The following FKBP9 variants were observed in gnomAD, a reference collection of about 807,000 sequenced individuals.
FKBP9 encodes the protein peptidyl-prolyl cis-trans isomerase FKBP9.
In FKBP9, 27 loss-of-function variants were observed where a neutral mutation model predicts 55.6. The observed-to-expected ratio is 0.49, with a 90% CI of 0.36 to 0.67. FKBP9 has a LOEUF of 0.67. Among genes scored for constraint, FKBP9 ranks in the 30% least tolerant of loss-of-function variants. FKBP9 has a pLI of 0.00. For synonymous variants in FKBP9, 267 were observed against 296.5 expected (o/e 0.90, Z 1.02); for missense variants, 539 against 742.8 (o/e 0.73, Z 3.19).
At chr7:32,965,797 CA>C (rs760247071) in intron 1 of FKBP9, among the ~76,000 whole-genome samples, 651 of 38,536 alleles carry the variant, frequency 0.017, 41 homozygotes, top group East Asian at 0.1. Context: ...GACTCCATGT[CA>C]AAAAAAAAAA....
chr7:32,960,456 T>A (rs1457230741), intron 1 of FKBP9, among the ~76,000 whole-genome samples: 2 of 152,152 alleles, frequency 1.3e-5, no homozygotes, highest in African/African-American at 4.8e-5. Flanking sequence ...TGAAATGATA[T>A]CTCATTGTGG....
chr7:32,996,747 CTT>C (rs775429776), intron 7 of FKBP9, among the ~76,000 whole-genome samples: 992 of 13,312 alleles, frequency 0.075, 54 homozygotes, highest in African/African-American at 0.16. Flanking sequence ...TCCTTTCTTT[CTT>C]TTTTTTTTTT....
chr7:32,996,708 C>T (rs1179229072), intron 7 of FKBP9, among the ~76,000 whole-genome samples: 1 of 104,534 alleles, frequency 9.6e-6, no homozygotes, highest in Non-Finnish European at 1.9e-5. Flanking sequence ...TTCTCTTTCT[C>T]TCTTTCTCTC....
chr7:32,966,172 G>T (rs1478883861), intron 1 of FKBP9, among the ~76,000 whole-genome samples: 12 of 97,282 alleles, frequency 1.2e-4, no homozygotes, highest in South Asian at 3.8e-4. Flanking sequence ...CAGCCTTGGT[G>T]ACAGTGAGAC....
intron 5 of FKBP9, among the ~76,000 whole-genome samples, chr7:32,987,105 G>T (rs1470620874): frequency 2.0e-5 from 3 of 152,120 alleles, no homozygotes; most frequent in Non-Finnish European, 4.4e-5. Flanking sequence ...AGGGTGGCGG[G>T]GTGAGCAGGG....
intron 1 of FKBP9, among the ~76,000 whole-genome samples, chr7:32,966,257 A>T (rs1404237878): frequency 6.7e-6 from 1 of 149,854 alleles, no homozygotes; most frequent in African/African-American, 2.5e-5. Context: ...TTGCCAATAT[A>T]ATGTGAGCTT....
chr7:32,971,846 G>A (rs928081338), intron 1 of FKBP9, among the ~76,000 whole-genome samples: 27 of 152,084 alleles, frequency 1.8e-4, no homozygotes, highest in Non-Finnish European at 2.9e-4. Flanking sequence ...GAGTATCATA[G>A]CACCCACCTT....
chr7:32,980,637 C>T, intron 5 of FKBP9, 84 bp downstream of exon 5: 1 of 1,520,488 alleles, frequency 6.6e-7, no homozygotes, highest in Non-Finnish European at 8.8e-7. Flanking sequence ...TTTAAATACT[C>T]TGTCCATGCT....
At chr7:32,975,590 G>A (rs1784348769) in intron 3 of FKBP9, among the ~76,000 whole-genome samples, 1 of 151,936 alleles carries the variant, frequency 6.6e-6, no homozygotes, top group African/African-American at 2.4e-5. Flanking sequence ...TTGAAGAGCA[G>A]TGTTTATCTA....
At chr7:32,974,901 A>G in intron 2 of FKBP9, 139 bp downstream of exon 2, 1 of 777,258 alleles carries the variant, frequency 1.3e-6, no homozygotes, top group East Asian at 2.7e-5. Context: ...ATACACAGCT[A>G]AAATTTCCAT....
intron 1 of FKBP9, among the ~76,000 whole-genome samples, chr7:32,962,667 T>A (rs894226498): frequency 2.0e-5 from 3 of 151,678 alleles, no homozygotes; most frequent in African/African-American, 7.3e-5. Context: ...AGAGATGGGG[T>A]TTCGCCACCT....
intron 4 of FKBP9, chr7:32,979,535 T>A: frequency 6.4e-7 from 1 of 1,550,610 alleles, no homozygotes; most frequent in Non-Finnish European, 8.7e-7. Context: ...TGGCGGCATC[T>A]GGTTTGCTTG....
intron 6 of FKBP9, among the ~76,000 whole-genome samples, chr7:32,990,978 A>G (rs919621284): frequency 4.6e-5 from 7 of 152,220 alleles, no homozygotes; most frequent in African/African-American, 1.7e-4. Context: ...AACAGATCAC[A>G]GCTTAAGATC....
intron 9 of FKBP9, 118 bp from the exon 10 acceptor site, chr7:33,005,057 G>T: frequency 2.1e-6 from 3 of 1,457,024 alleles, no homozygotes; most frequent in Non-Finnish European, 2.8e-6. Context: ...TCTTGTCTGT[G>T]TTGGTAGCCC....
At chr7:33,004,600 T>G (rs370473542) in intron 9 of FKBP9, among the ~76,000 whole-genome samples, 4 of 152,236 alleles carry the variant, frequency 2.6e-5, no homozygotes, top group Admixed American at 2.0e-4. Context: ...ATTCAACACT[T>G]CATCCCTTTC....
intron 4 of FKBP9, among the ~76,000 whole-genome samples, chr7:32,977,300 T>C (rs1784379527): frequency 2.0e-5 from 3 of 152,186 alleles, no homozygotes; most frequent in Non-Finnish European, 2.9e-5. Context: ...TGATTCATAA[T>C]GGGGATATGT....
In FKBP9 at chr7:32,980,445, T is replaced by C. The variant is rs1306182149; in HGVS notation, c.785T>C (p.Ile262Thr). ...DLHNPKDSIS[I>T]ENKVVPENCE... ...CATAACCCCAAGGACAGCATTTCCA[T>C]TGAGAACAAGGTAGTACCTGAAAAC... is the stretch of plus-strand genomic sequence containing the variant. Residue 262 changes from isoleucine to threonine, a missense_variant, in exon 5 of 10, where the codon ATT becomes ACT. By Grantham distance (89) the Ile-to-Thr change is moderately conservative. Coordinates refer to ENST00000242209, the MANE Select transcript of FKBP9 (RefSeq NM_007270.5). The C allele has an allele frequency of 6.2e-7, 1 of 1,613,844 alleles. No individual in the cohort carries two copies. The highest frequency in any genetic ancestry group is 8.5e-7 in the Non-Finnish European group (1 of 1,179,838).
At chr7:32,958,909 G>A (rs543433321) in intron 1 of FKBP9, among the ~76,000 whole-genome samples, 4 of 152,206 alleles carry the variant, frequency 2.6e-5, no homozygotes, top group Admixed American at 1.3e-4. Context: ...TTCCCTTCGC[G>A]AACACTAGAT....
Position 32,997,143 on chromosome 7 carries a change from C to T in FKBP9, c.1226+794C>T, listed in dbSNP as rs541258559. On this transcript the variant is annotated intron_variant, in intron 7 of 9. Coordinates refer to ENST00000242209, the MANE Select transcript of FKBP9 (RefSeq NM_007270.5). ...GGAGTGCAGTGGTGCTATCTCGGCT[C>T]ACTGCAACCTCTGCCTTCCAGGTTC... Among the ~76,000 whole-genome samples, 244 of 152,154 alleles carry T rather than the reference C, an allele frequency of 1.6e-3. No individual in the cohort carries two copies. The Middle Eastern group carries it at 0.017, about 11-fold the overall frequency.
Sources: gnomAD v4.1 joint callset for allele counts (sites outside exome capture counted in the v4.1 genomes callset) on GRCh38, gnomAD v4.1.1 for gene constraint, MANE v1.5 for transcripts, NCBI Gene and HGNC (gene_info 2026-07-23, HGNC 2026-07-21) for gene names.